NRG3: variants seen among roughly 807,000 people sequenced by gnomAD.
The protein encoded by NRG3 is pro-neuregulin-3, membrane-bound isoform.
NRG3 carries 31 observed loss-of-function variants against 66.9 expected under a neutral mutation model. The ratio of observed to expected loss-of-function variants is 0.46; its 90% confidence interval spans 0.35 to 0.63. NRG3 has a LOEUF of 0.63. Ranked by LOEUF, NRG3 falls within the 20% of genes least tolerant of loss-of-function variation. The pLI is 0.00. For missense variants in NRG3, 910 were observed against 878.9 expected (o/e 1.04, Z -0.45); for synonymous variants, 393 against 359.4 (o/e 1.09, Z -1.06).
chr10:81,910,387 C>G (rs887551172), intron 1 of NRG3, among the ~76,000 whole-genome samples: 10 of 152,162 alleles, frequency 6.6e-5, no homozygotes. Flanking sequence ...GACTAGAGTT[C>G]TGGGTACTCA....
rs546498238 is a variant in NRG3 at position 82,851,341 on chromosome 10, T to G, written c.1028-14070T>G. ...GCTTGGGGGTTGGGCAGATTCTCTGTGGTATTGACGATCCTTGTCTTATTT... is the reference window on the plus strand; with the variant it reads ...GCTTGGGGGTTGGGCAGATTCTCTGGGGTATTGACGATCCTTGTCTTATTT... On this transcript the variant is annotated intron_variant, in intron 3 of 8. Coordinates refer to ENST00000372141, the MANE Select transcript of NRG3 (RefSeq NM_001010848.4). Among the ~76,000 whole-genome samples the G allele has an allele frequency of 1.4e-4, 21 of 152,234 alleles. 1 individual carries two copies. The South Asian group carries it at 2.1e-3, about 15-fold the overall frequency.
chr10:82,587,513 ATC>A (rs1254016677), intron 2 of NRG3, among the ~76,000 whole-genome samples: 1 of 152,230 alleles, frequency 6.6e-6, no homozygotes, highest in Non-Finnish European at 1.5e-5. Context: ...GCATTAGACT[ATC>A]TGTAGTCTCT....
intron 1 of NRG3, among the ~76,000 whole-genome samples, chr10:82,307,756 T>C (rs2080820552): frequency 1.1e-5 from 1 of 89,074 alleles, no homozygotes; most frequent in African/African-American, 3.5e-5. Flanking sequence ...AATTTCATCT[T>C]TTTTTTTTCC....
At chr10:81,952,391 G>C (rs1255141478) in intron 1 of NRG3, among the ~76,000 whole-genome samples, 1 of 152,036 alleles carries the variant, frequency 6.6e-6, no homozygotes, top group Non-Finnish European at 1.5e-5. Flanking sequence ...GTGTGTGTAT[G>C]TGTGCGTGTG....
intron 3 of NRG3, among the ~76,000 whole-genome samples, chr10:82,745,220 GTT>G (rs531126725): frequency 1.6e-4 from 24 of 152,312 alleles, no homozygotes; most frequent in Admixed American, 1.3e-3. Context: ...TCTGTGAACT[GTT>G]GTACAAGCTG....
chr10:82,314,833 T>C (rs986277284), intron 1 of NRG3, among the ~76,000 whole-genome samples: 13 of 151,842 alleles, frequency 8.6e-5, no homozygotes, highest in Admixed American at 7.2e-4. Context: ...AAAAAAACAA[T>C]AAATAGCAAT....
intron 2 of NRG3, among the ~76,000 whole-genome samples, chr10:82,429,378 G>T (rs1159964295): frequency 6.6e-6 from 1 of 151,888 alleles, no homozygotes; most frequent in Non-Finnish European, 1.5e-5. Flanking sequence ...CTTAACATTT[G>T]AATGATAAAA....
chr10:81,942,950 A>G (rs1345225526), intron 1 of NRG3, among the ~76,000 whole-genome samples: 1 of 152,212 alleles, frequency 6.6e-6, no homozygotes, highest in Non-Finnish European at 1.5e-5. Context: ...CATTAAAGTT[A>G]GAGTCTTCTA....
chr10:82,013,096 A>G (rs987916650), intron 1 of NRG3, among the ~76,000 whole-genome samples: 1 of 152,182 alleles, frequency 6.6e-6, no homozygotes, highest in Non-Finnish European at 1.5e-5. Context: ...CTTAACCAAG[A>G]CTGGGTAATT....
intron 1 of NRG3, among the ~76,000 whole-genome samples, chr10:82,240,649 T>C (rs955861468): frequency 6.6e-6 from 1 of 152,172 alleles, no homozygotes; most frequent in East Asian, 1.9e-4. Context: ...TAGTTGATTA[T>C]GTAGTTCATT....
chr10:81,959,906 C>T (rs961288072), intron 1 of NRG3, among the ~76,000 whole-genome samples: 4 of 152,056 alleles, frequency 2.6e-5, no homozygotes, highest in African/African-American at 9.7e-5. Flanking sequence ...TTCCCTAAAT[C>T]AGTAACTCAT....
intron 8 of NRG3, among the ~76,000 whole-genome samples, chr10:82,981,079 T>C (rs1005501937): frequency 8.5e-5 from 13 of 152,206 alleles, no homozygotes; most frequent in Non-Finnish European, 1.9e-4. Context: ...GGCACTGTTA[T>C]GACCATCTTT....
At chr10:82,784,131 G>A (rs1321394780) in intron 3 of NRG3, among the ~76,000 whole-genome samples, 1 of 152,046 alleles carries the variant, frequency 6.6e-6, no homozygotes, top group Non-Finnish European at 1.5e-5. Flanking sequence ...TTAATAAATG[G>A]TGCTGGGAAA....
At chr10:82,935,064 G>T (rs1261135881) in intron 4 of NRG3, among the ~76,000 whole-genome samples, 2 of 152,244 alleles carry the variant, frequency 1.3e-5, no homozygotes, top group African/African-American at 4.8e-5. Context: ...TGTGAATTAA[G>T]GATACCTGGG....
chr10:82,545,850 C>G (rs2043873728), intron 2 of NRG3, among the ~76,000 whole-genome samples: 4 of 133,310 alleles, frequency 3.0e-5, no homozygotes, highest in Admixed American at 1.7e-4. Flanking sequence ...TGCAGTGGCA[C>G]AATCTAGGCT....
chr10:82,592,475 T>G (rs1437787401), intron 2 of NRG3, among the ~76,000 whole-genome samples: 1 of 152,178 alleles, frequency 6.6e-6, no homozygotes, highest in East Asian at 1.9e-4. Context: ...ATGGTTTGCC[T>G]TGTGCATAAG....
At chr10:82,211,682 A>G (rs2075401509) in intron 1 of NRG3, among the ~76,000 whole-genome samples, 1 of 152,184 alleles carries the variant, frequency 6.6e-6, no homozygotes. Context: ...AGTCTTCAGG[A>G]CTATTTGGAA....
chr10:81,961,044 A>G (rs1323355822), intron 1 of NRG3, among the ~76,000 whole-genome samples: 1 of 152,150 alleles, frequency 6.6e-6, no homozygotes, highest in Non-Finnish European at 1.5e-5. Flanking sequence ...TGCACCTTCT[A>G]AGCTAGCACC....
Position 82,652,331 on chromosome 10 carries a change from T to G in NRG3, c.954-86246T>G, listed in dbSNP as rs185762792. ...AGCCCTTATCTAGCATCTAGGAGAA[T>G]GGAGGTCACACGAATGAATTGAAGG... On this transcript the variant is annotated intron_variant, in intron 2 of 8. Transcript: ENST00000372141. Among the ~76,000 whole-genome samples, 6 of 152,176 alleles carry G rather than the reference T, an allele frequency of 3.9e-5. No homozygotes were observed. The East Asian group carries it at 7.7e-4, about 20-fold the overall frequency.
Sources: gnomAD v4.1 joint callset for allele counts (sites outside exome capture counted in the v4.1 genomes callset) on GRCh38, gnomAD v4.1.1 for gene constraint, MANE v1.5 for transcripts, NCBI Gene and HGNC (gene_info 2026-07-23, HGNC 2026-07-21) for gene names.